Variants in ZSWIM6 observed in about 807,000 individuals in gnomAD.
The protein encoded by ZSWIM6 is zinc finger SWIM-type containing 6, also known as zinc finger SWIM domain-containing protein 6.
ZSWIM6 carries 9 observed loss-of-function variants against 113.2 expected under a neutral mutation model. That is an observed-to-expected ratio of 0.08 (90% CI 0.05 to 0.14). The LOEUF is 0.14. Ranked by LOEUF, ZSWIM6 falls within the 10% of genes least tolerant of loss-of-function variation. The probability of loss-of-function intolerance (pLI) is 1.00; values close to 1 mark genes in which losing one functional copy is unlikely to be tolerated. For missense variants in ZSWIM6, 1,162 were observed against 1,552.2 expected (o/e 0.75, Z 4.22); for synonymous variants, 611 against 606.5 (o/e 1.01, Z -0.11).
intron 1 of ZSWIM6, among the ~76,000 whole-genome samples, chr5:61,444,463 A>G (rs1746907298): frequency 6.6e-6 from 1 of 152,210 alleles, no homozygotes; most frequent in South Asian, 2.1e-4. Context: ...GTATATACCC[A>G]GTAATGGGAT....
At chr5:61,502,115 A>C (rs572688359) in intron 4 of ZSWIM6, among the ~76,000 whole-genome samples, 1 of 152,242 alleles carries the variant, frequency 6.6e-6, no homozygotes, top group South Asian at 2.1e-4. Context: ...TCTTACCCTG[A>C]AGTGGCAGCA....
chr5:61,352,878 A>G (rs192694040), intron 1 of ZSWIM6, among the ~76,000 whole-genome samples: 2 of 152,280 alleles, frequency 1.3e-5, no homozygotes, highest in East Asian at 3.9e-4. Flanking sequence ...TTTTGCTCAC[A>G]TGCATAGGTC....
At chr5:61,360,726 A>G (rs964867391) in intron 1 of ZSWIM6, among the ~76,000 whole-genome samples, 1 of 152,196 alleles carries the variant, frequency 6.6e-6, no homozygotes, top group Non-Finnish European at 1.5e-5. Flanking sequence ...TCTCTCTTCA[A>G]GGTCACCACT....
intron 4 of ZSWIM6, among the ~76,000 whole-genome samples, chr5:61,506,611 G>A (rs1326562680): frequency 1.3e-5 from 2 of 152,018 alleles, no homozygotes; most frequent in Admixed American, 1.3e-4. Context: ...CCAAACATGG[G>A]ATGACTGACA....
At chr5:61,353,333 C>T (rs1744829949) in intron 1 of ZSWIM6, among the ~76,000 whole-genome samples, 1 of 152,148 alleles carries the variant, frequency 6.6e-6, no homozygotes, top group Non-Finnish European at 1.5e-5. Context: ...CTCATAACAA[C>T]TTTGAGGAGA....
intron 1 of ZSWIM6, among the ~76,000 whole-genome samples, chr5:61,422,802 GT>G (rs1746381453): frequency 2.0e-5 from 3 of 151,812 alleles, no homozygotes; most frequent in Admixed American, 1.3e-4. Context: ...TAATTCCTAG[GT>G]ATTTTATTTG....
intron 1 of ZSWIM6, among the ~76,000 whole-genome samples, chr5:61,367,208 A>C (rs1745177673): frequency 6.6e-6 from 1 of 152,066 alleles, no homozygotes; most frequent in African/African-American, 2.4e-5. Context: ...CTTCATAACA[A>C]TTCTGCAGTG....
At chr5:61,373,372 CTTTT>C (rs748556109) in intron 1 of ZSWIM6, among the ~76,000 whole-genome samples, 2 of 102,968 alleles carry the variant, frequency 1.9e-5, no homozygotes, top group African/African-American at 8.1e-5. Flanking sequence ...CTCAGTATTT[CTTTT>C]TTTTTTTTTT....
chr5:61,524,723 T>C (rs555826922), intron 5 of ZSWIM6, among the ~76,000 whole-genome samples: 117 of 152,336 alleles, frequency 7.7e-4, no homozygotes, highest in Non-Finnish European at 1.6e-3. Flanking sequence ...GAAAATGAAA[T>C]CTTACCAATT....
At chr5:61,450,713 T>C (rs1747068528) in intron 1 of ZSWIM6, among the ~76,000 whole-genome samples, 1 of 152,184 alleles carries the variant, frequency 6.6e-6, no homozygotes, top group Admixed American at 6.6e-5. Flanking sequence ...AATTTGTGAG[T>C]AGTATACAAG....
chr5:61,360,744 A>G (rs1208637500), intron 1 of ZSWIM6, among the ~76,000 whole-genome samples: 1 of 152,170 alleles, frequency 6.6e-6, no homozygotes, highest in African/African-American at 2.4e-5. Context: ...ACTGATTTTT[A>G]TAGCCAATAC....
intron 1 of ZSWIM6, among the ~76,000 whole-genome samples, chr5:61,369,392 C>G (rs2112065290): frequency 6.6e-6 from 1 of 152,270 alleles, no homozygotes; most frequent in African/African-American, 2.4e-5. Context: ...TTCGACATGT[C>G]CCAATAAAAG....
chr5:61,455,100 T>A (rs1747176295), intron 1 of ZSWIM6, among the ~76,000 whole-genome samples: 1 of 152,120 alleles, frequency 6.6e-6, no homozygotes, highest in African/African-American at 2.4e-5. Context: ...CTGTGTTAGA[T>A]TTAAATAGTT....
intron 1 of ZSWIM6, 46 bp downstream of exon 1, chr5:61,332,994 CTGGGTGGGGGGGGGGT>C: frequency 2.4e-6 from 1 of 414,724 alleles, no homozygotes; most frequent in Non-Finnish European, 3.2e-6. Context: ...CCGTCAGTCC[CTGGGTGGGGGGGGGGT>C]GCCCGCCTTT....
At chr5:61,528,033 CTT>C (rs1749332230) in intron 7 of ZSWIM6, among the ~76,000 whole-genome samples, 1 of 152,072 alleles carries the variant, frequency 6.6e-6, no homozygotes, top group South Asian at 2.1e-4. Flanking sequence ...GCTATGAAAA[CTT>C]TTATTTCCAA....
chr5:61,446,810 G>A (rs1290540212), intron 1 of ZSWIM6, among the ~76,000 whole-genome samples: 3 of 151,986 alleles, frequency 2.0e-5, no homozygotes, highest in African/African-American at 7.3e-5. Context: ...TAACATAAAT[G>A]TACATACACA....
chr5:61,518,545 G>A (rs1258249142), intron 4 of ZSWIM6, among the ~76,000 whole-genome samples: 3 of 152,092 alleles, frequency 2.0e-5, no homozygotes, highest in East Asian at 1.9e-4. Flanking sequence ...GCCAGTGATG[G>A]TGAGCATTTT....
At position 61,394,735 on chromosome 5, in the gene ZSWIM6, T is replaced by A. The variant is rs146927920; in HGVS notation, c.676+61787T>A. On this transcript the variant is annotated intron_variant, in intron 1 of 13. Transcript: ENST00000252744. ...ACTGTTAGGAGGGCTTACAGGTGGT[T>A]GGCCAGAGGAGGGGGTATGGAAAGG... Among the ~76,000 whole-genome samples the A allele has an allele frequency of 3.6e-3, 549 of 152,278 alleles. 4 individuals are homozygous for A. Among genetic ancestry groups the A allele is most frequent in the South Asian group, 0.021 (101 of 4,824 alleles).
intron 1 of ZSWIM6, among the ~76,000 whole-genome samples, chr5:61,397,050 C>T (rs1745851185): frequency 6.6e-6 from 1 of 152,156 alleles, no homozygotes; most frequent in South Asian, 2.1e-4. Flanking sequence ...CAATATTCAG[C>T]AGTAAGATGT....
Sources: allele counts gnomAD v4.1 joint callset (sites outside exome capture counted in the v4.1 genomes callset), GRCh38; gene constraint gnomAD v4.1.1; transcripts MANE v1.5; gene names NCBI Gene and HGNC (gene_info 2026-07-23, HGNC 2026-07-21).